CELF2: variants seen among roughly 807,000 people sequenced by gnomAD.
The protein encoded by CELF2 is CUGBP Elav-like family member 2.
A neutral mutation model predicts 62.6 loss-of-function variants in CELF2; 8 were observed. That is an observed-to-expected ratio of 0.13 (90% CI 0.07 to 0.23). The LOEUF (loss-of-function observed/expected upper bound fraction) is 0.23. Among genes scored for constraint, CELF2 ranks in the 10% least tolerant of loss-of-function variants. The pLI is 1.00. For synonymous variants in CELF2, 258 were observed against 250.0 expected (o/e 1.03, Z -0.30); for missense variants, 333 against 671.0 (o/e 0.50, Z 5.56).
chr10:10,863,399 T>G (rs748205864), intron 1 of CELF2, among the ~76,000 whole-genome samples: 2 of 152,188 alleles, frequency 1.3e-5, no homozygotes, highest in Non-Finnish European at 2.9e-5. Context: ...TTACATTTGT[T>G]ATCTGTCAAA....
At chr10:10,794,620 A>G (rs973390846), upstream of CELF2, 3 of 152,070 alleles carry the variant, frequency 2.0e-5, no homozygotes, top group African/African-American at 7.2e-5. Flanking sequence ...AGGAAATTAG[A>G]CATTTTGTGG....
At position 11,207,764 on chromosome 10, in the gene CELF2, C is replaced by T. The variant is rs1203571186; in HGVS notation, c.272-9661C>T. 6.6e-6 allele frequency among the ~76,000 whole-genome samples: 1 copy of T among 152,148 alleles called. No homozygotes were observed. The highest frequency in any genetic ancestry group is 6.5e-5 in the Admixed American group (1 of 15,274). ...TGGTGATACCGCTGACATCAGGGTG[C>T]CAATTATATCAAACTCTATAAAACT... On this transcript the variant is annotated intron_variant, in intron 2 of 12. Coordinates refer to ENST00000633077, the MANE Select transcript of CELF2 (RefSeq NM_001326342.2). The surrounding 1 kb of genome is among the most constrained non-coding windows in gnomAD (Gnocchi z 4.1).
At chr10:11,245,569 G>A (rs978913286) in intron 3 of CELF2, among the ~76,000 whole-genome samples, 3 of 152,350 alleles carry the variant, frequency 2.0e-5, no homozygotes, top group African/African-American at 7.2e-5. Context: ...GCAAAACAAA[G>A]TTCAGGTGTG....
chr10:10,803,309 C>T (rs1441206377), intron 1 of CELF2, among the ~76,000 whole-genome samples: 1 of 152,242 alleles, frequency 6.6e-6, no homozygotes, highest in African/African-American at 2.4e-5. Flanking sequence ...CTGCAAGGCC[C>T]CATCTGGCCT....
intron 1 of CELF2, among the ~76,000 whole-genome samples, chr10:11,028,116 A>G (rs1432820775): frequency 2.6e-5 from 4 of 152,238 alleles, no homozygotes; most frequent in Non-Finnish European, 4.4e-5. Flanking sequence ...TCCCTAGGAC[A>G]ACATCATGAA....
the CELF2 span, among the ~76,000 whole-genome samples, chr10:10,664,736 C>T: frequency 6.6e-6 from 1 of 152,116 alleles, no homozygotes; most frequent in Non-Finnish European, 1.5e-5. Flanking sequence ...TTGTGTTTGC[C>T]GTTACGGTAG....
chr10:11,066,349 C>G (rs1480419441), intron 1 of CELF2, among the ~76,000 whole-genome samples: 3 of 151,992 alleles, frequency 2.0e-5, no homozygotes, highest in Non-Finnish European at 4.4e-5. Flanking sequence ...TGCTGCCAAT[C>G]ACTGTACGTT....
At position 11,334,892 on chromosome 10, in the gene CELF2, G is replaced by C. The variant is rs1237564250; in HGVS notation, c.*5839G>C. On this transcript the variant is annotated 3_prime_UTR_variant, in exon 13 of 13. Transcript: ENST00000633077. ...GTTAAACTTAAGTCTATTATTTGTT[G>C]CCCTCAATCAAAAGATATGTATAGA... 6.6e-6 allele frequency: 1 copy of C among 152,122 alleles called. No individual in the cohort carries two copies. Among genetic ancestry groups the C allele is most frequent in the South Asian group, 2.1e-4 (1 of 4,820 alleles). The allele number at this position is 152,122 out of a possible 1,614,324, so 9.4% of individuals were successfully genotyped here. A position where few individuals can be genotyped will look rare whatever the true frequency, so the allele number is the denominator to read the frequency against.
chr10:11,222,365 CTG>C (rs1365034574), intron 3 of CELF2, among the ~76,000 whole-genome samples: 1 of 152,242 alleles, frequency 6.6e-6, no homozygotes, highest in African/African-American at 2.4e-5. Flanking sequence ...CCTCATCTCA[CTG>C]TGTCAGAGAA....
At chr10:10,600,341 A>G in the CELF2 span, among the ~76,000 whole-genome samples, 22 of 152,328 alleles carry the variant, frequency 1.4e-4, no homozygotes, top group Non-Finnish European at 4.4e-5. Context: ...TCTATCTCTG[A>G]AGTTGTTTTG....
At chr10:10,843,127 A>G (rs779673458) in intron 1 of CELF2, among the ~76,000 whole-genome samples, 2 of 152,022 alleles carry the variant, frequency 1.3e-5, no homozygotes, top group Non-Finnish European at 2.9e-5. Flanking sequence ...CCGTGGGATT[A>G]GTAATAATGA....
intron 2 of CELF2, among the ~76,000 whole-genome samples, chr10:10,971,903 A>G (rs1243571334): frequency 6.6e-6 from 1 of 152,130 alleles, no homozygotes; most frequent in Non-Finnish European, 1.5e-5. Context: ...TGCTTTTCAC[A>G]TCTTCTTTTC....
chr10:11,327,029 A>AG (rs1334764881), intron 12 of CELF2, among the ~76,000 whole-genome samples: 6 of 152,194 alleles, frequency 3.9e-5, no homozygotes, highest in Non-Finnish European at 8.8e-5. Flanking sequence ...TCACCCAGGA[A>AG]GGTCTGAAGG....
chr10:10,620,128 A>T, the CELF2 span, among the ~76,000 whole-genome samples: 194 of 152,360 alleles, frequency 1.3e-3, no homozygotes, highest in African/African-American at 4.3e-3. Context: ...CAAGGTTGCC[A>T]ATCTTGGACC....
intron 7 of CELF2, among the ~76,000 whole-genome samples, chr10:11,272,036 C>T (rs2653531): frequency 0.95 from 144,059 of 152,282 alleles, 68,620 homozygotes; most frequent in East Asian, 1. Context: ...GGTGCTGCTG[C>T]GGGTCACCTT....
At chr10:10,539,453 C>CCACCCCCACCT in the CELF2 span, among the ~76,000 whole-genome samples, 1 of 148,494 alleles carries the variant, frequency 6.7e-6, no homozygotes, top group Non-Finnish European at 1.5e-5. Flanking sequence ...CACCGCCACC[C>CCACCCCCACCT]CACCCCCACC....
At chr10:10,637,459 C>T in the CELF2 span, among the ~76,000 whole-genome samples, 1 of 152,172 alleles carries the variant, frequency 6.6e-6, no homozygotes, top group Non-Finnish European at 1.5e-5. Flanking sequence ...ATTTGAGGTT[C>T]TGTCTTGCTC....
chr10:11,114,413 A>G (rs907334588), intron 1 of CELF2, among the ~76,000 whole-genome samples: 1 of 152,244 alleles, frequency 6.6e-6, no homozygotes, highest in African/African-American at 2.4e-5. Context: ...TATCAAAGAA[A>G]ATGTGACAGT....
chr10:10,498,914 C>A, the CELF2 span, among the ~76,000 whole-genome samples: 3 of 152,116 alleles, frequency 2.0e-5, no homozygotes, highest in Admixed American at 2.0e-4. Context: ...GGAGGACAAG[C>A]ACACACTTGG....
Sources: allele counts gnomAD v4.1 joint callset (sites outside exome capture counted in the v4.1 genomes callset), GRCh38; gene constraint gnomAD v4.1.1; non-coding constraint Gnocchi (gnomAD v3.1); transcripts MANE v1.5; gene names NCBI Gene and HGNC (gene_info 2026-07-23, HGNC 2026-07-21).